Variants in HORMAD2 observed in about 807,000 individuals in gnomAD.
The protein encoded by HORMAD2 is HORMA domain containing 2.
In HORMAD2, 45 loss-of-function variants were observed where a neutral mutation model predicts 38.8. The ratio of observed to expected loss-of-function variants is 1.16; its 90% CI spans 0.91 to 1.49. The LOEUF (loss-of-function observed/expected upper bound fraction) is 1.49. Among genes scored for constraint, HORMAD2 ranks in the 40% most tolerant of loss-of-function variants. The pLI is 0.00. For synonymous variants in HORMAD2, 126 were observed against 122.8 expected, an observed-to-expected ratio of 1.03 and a Z score of -0.17; for missense variants, 338 against 367.0, an observed-to-expected ratio of 0.92 and a Z score of 0.65.
intron 10 of HORMAD2, among the ~76,000 whole-genome samples, chr22:30,133,812 A>C (rs1923455388): frequency 1.3e-5 from 2 of 152,142 alleles, no homozygotes; most frequent in Admixed American, 1.3e-4. Flanking sequence ...TGTACATAGG[A>C]TGTGCATATT....
At chr22:30,188,871 C>A in the HORMAD2 span, among the ~76,000 whole-genome samples, 1 of 152,134 alleles carries the variant, frequency 6.6e-6, no homozygotes, top group Non-Finnish European at 1.5e-5. Flanking sequence ...TGCGGTGGCT[C>A]ATGCCTGTAA....
intron 7 of HORMAD2, 136 bp downstream of exon 7, chr22:30,112,658 T>C (rs1921751416): frequency 2.3e-6 from 1 of 441,382 alleles, no homozygotes; most frequent in Non-Finnish European, 4.1e-6. Context: ...TCTTTCAGTA[T>C]ATTTTACTCT....
upstream of HORMAD2, chr22:30,080,062 CCT>C (rs2068439812): frequency 6.6e-6 from 1 of 152,548 alleles, no homozygotes; most frequent in Non-Finnish European, 1.5e-5. Context: ...CCGCCTCAGA[CCT>C]CTCTGGGACC....
intron 7 of HORMAD2, among the ~76,000 whole-genome samples, chr22:30,116,409 G>A (rs1463964711): frequency 2.6e-5 from 4 of 152,214 alleles, no homozygotes; most frequent in South Asian, 2.1e-4. Flanking sequence ...CAGAGAATGA[G>A]CATCAGATGG....
intron 1 of HORMAD2, among the ~76,000 whole-genome samples, chr22:30,091,836 C>A (rs973881189): frequency 6.6e-6 from 1 of 151,918 alleles, no homozygotes; most frequent in African/African-American, 2.4e-5. Flanking sequence ...TTCTTTGCAT[C>A]CTTGCCAGCA....
At position 30,085,716 on chromosome 22, in the gene HORMAD2, T is replaced by G. The variant is rs367938639; in HGVS notation, c.-38+5225T>G. On this transcript the variant is annotated intron_variant, in intron 1 of 10. Coordinates refer to ENST00000336726, the MANE Select transcript of HORMAD2 (RefSeq NM_152510.4). ...TTGCAGTAAGCTGATATTATACCAC[T>G]GCACTTCACCTGGGTGACACAGTGA... Among the ~76,000 whole-genome samples, 13 of 152,346 alleles carry G rather than the reference T, an allele frequency of 8.5e-5. 1 individual carries two copies. The East Asian group carries it at 1.2e-3, about 14-fold the overall frequency.
At chr22:30,125,205 C>CTTTTTTTTTTTTTTTTTTTTTTTTTT (rs1569099710) in intron 10 of HORMAD2, among the ~76,000 whole-genome samples, 1 of 69,470 alleles carries the variant, frequency 1.4e-5, no homozygotes, top group African/African-American at 5.9e-5. Context: ...TTTTCACTTT[C>CTTTTTTTTTTTTTTTTTTTTTTTTTT]TTTTTCTTTT....
intron 10 of HORMAD2, among the ~76,000 whole-genome samples, chr22:30,173,413 A>G (rs998324432): frequency 2.6e-5 from 4 of 152,198 alleles, no homozygotes; most frequent in African/African-American, 9.7e-5. Flanking sequence ...AGGACAATGG[A>G]TGGATTTGAG....
chr22:30,177,876 C>T (rs986478443), downstream of HORMAD2, among the ~76,000 whole-genome samples: 1 of 151,828 alleles, frequency 6.6e-6, no homozygotes, highest in Non-Finnish European at 1.5e-5. Flanking sequence ...GATGGGGGTT[C>T]GCCATGTTGC....
At chr22:30,119,136 C>G in intron 8 of HORMAD2, 89 bp downstream of exon 8, 1 of 817,042 alleles carries the variant, frequency 1.2e-6, no homozygotes. Flanking sequence ...CCTTATACTT[C>G]TTTACACATT....
At chr22:30,132,468 A>G (rs1923349011) in intron 10 of HORMAD2, among the ~76,000 whole-genome samples, 1 of 151,376 alleles carries the variant, frequency 6.6e-6, no homozygotes, top group South Asian at 2.1e-4. Flanking sequence ...CCTGGGAGGC[A>G]GAGGTTGCAG....
chr22:30,115,716 TACAA>T (rs1394174048), intron 7 of HORMAD2, among the ~76,000 whole-genome samples: 3 of 152,190 alleles, frequency 2.0e-5, no homozygotes, highest in Admixed American at 6.5e-5. Flanking sequence ...TAAAAATTAG[TACAA>T]ACAATTTCAG....
intron 10 of HORMAD2, chr22:30,137,219 TA>T: frequency 1.7e-6 from 1 of 595,066 alleles, no homozygotes; most frequent in South Asian, 1.5e-5. Flanking sequence ...TTGAATTTTC[TA>T]AATGCAACTT....
the HORMAD2 span, among the ~76,000 whole-genome samples, chr22:30,188,690 T>C: frequency 5.9e-5 from 9 of 152,248 alleles, no homozygotes; most frequent in Admixed American, 5.9e-4. Context: ...AAAGTTGGCT[T>C]CTTTTGGAAA....
At chr22:30,111,164 A>AG (rs1921616082) in intron 5 of HORMAD2, among the ~76,000 whole-genome samples, 2 of 150,992 alleles carry the variant, frequency 1.3e-5, no homozygotes, top group East Asian at 2.0e-4. Flanking sequence ...AAAAAAAAAA[A>AG]AAAAAGAAAG....
downstream of HORMAD2, among the ~76,000 whole-genome samples, chr22:30,180,888 C>T (rs1795673083): frequency 7.0e-6 from 1 of 142,970 alleles, no homozygotes. Context: ...CTTTCCCTTT[C>T]CCTTCCTTCC....
rs1198297459 is a variant in HORMAD2 at position 30,122,012 on chromosome 22, C to T, written c.617C>T (p.Ser206Leu). Residue 206 changes from serine (S) to leucine (L), a missense_variant, in exon 10 of 11, where the codon TCA (serine) becomes TTA (leucine). By Grantham distance (145) the Ser-to-Leu change is moderately radical (BLOSUM62 -2). Coordinates refer to ENST00000336726, the MANE Select transcript of HORMAD2 (RefSeq NM_152510.4). ...QPLGFKEGVN[S>L]HFLLFDKEPI... ...CTCGGTTTTAAAGAAGGGGTAAATT[C>T]ACACTTCCTGCTGTTTGACAAGGAG... 3.1e-6 allele frequency: 5 copies of T among 1,612,538 alleles called. No individual in the cohort carries two copies. Among genetic ancestry groups the T allele is most frequent in the African/African-American group, 1.3e-5 (1 of 74,896 alleles).
chr22:30,140,282 G>A (rs1032584248), intron 10 of HORMAD2, among the ~76,000 whole-genome samples: 1 of 151,874 alleles, frequency 6.6e-6, no homozygotes, highest in African/African-American at 2.4e-5. Flanking sequence ...AAAAGAAAAA[G>A]TGTGCATGAG....
At chr22:30,168,335 C>G (rs1411218595) in intron 10 of HORMAD2, among the ~76,000 whole-genome samples, 1 of 152,194 alleles carries the variant, frequency 6.6e-6, no homozygotes, top group Non-Finnish European at 1.5e-5. Flanking sequence ...CATTTTACCT[C>G]ATTCCTTCGG....
Sources: gnomAD v4.1 joint callset for allele counts (sites outside exome capture counted in the v4.1 genomes callset) on GRCh38, gnomAD v4.1.1 for gene constraint, MANE v1.5 for transcripts, NCBI Gene and HGNC (gene_info 2026-07-23, HGNC 2026-07-21) for gene names.